The following ARID1B variants were observed in gnomAD, a reference collection of about 807,000 sequenced individuals.
ARID1B encodes the protein AT-rich interactive domain-containing protein 1B.
In ARID1B, 30 loss-of-function variants were observed where a neutral mutation model predicts 212.3. The ratio of observed to expected loss-of-function variants is 0.14; its 90% CI spans 0.11 to 0.19. The LOEUF (loss-of-function observed/expected upper bound fraction) is 0.19. Among genes scored for constraint, ARID1B ranks in the 10% least tolerant of loss-of-function variants. ARID1B has a pLI of 1.00. For synonymous variants in ARID1B, 1,402 were observed against 1,301.7 expected (o/e 1.08, Z -1.66); for missense variants, 2,891 against 3,204.0 (o/e 0.90, Z 2.36).
At chr6:156,849,816 G>A (rs374685982) in intron 2 of ARID1B, among the ~76,000 whole-genome samples, 1 of 152,128 alleles carries the variant, frequency 6.6e-6, no homozygotes. Flanking sequence ...CCCTAAGGAG[G>A]GGAAGCCGTG....
chr6:157,060,715 T>G (rs1783291563), intron 4 of ARID1B, among the ~76,000 whole-genome samples: 1 of 142,760 alleles, frequency 7.0e-6, no homozygotes, highest in South Asian at 2.3e-4. Flanking sequence ...TTGGCACAGA[T>G]TCACAATCCT....
chr6:156,973,564 A>C (rs1450918658), intron 4 of ARID1B, among the ~76,000 whole-genome samples: 2 of 152,248 alleles, frequency 1.3e-5, no homozygotes, highest in Admixed American at 1.3e-4. Flanking sequence ...AACAGAACTT[A>C]GTTTTTAAGC....
chr6:157,204,861 T>G (rs1293943618), intron 19 of ARID1B: 1 of 152,236 alleles, frequency 6.6e-6, no homozygotes, highest in East Asian at 1.9e-4. Flanking sequence ...ACACTTAATT[T>G]CCTTGCTTCT....
rs575796547 is a variant in ARID1B at position 157,022,099 on chromosome 6, C to T, written c.2248-62563C>T. On this transcript the variant is annotated intron_variant, in intron 4 of 19. Transcript: ENST00000636930. ...GCCAGGAACTACAGACGAAGGACGC[C>T]AGCAGGGCCGCGGAGCCCAGGCCGC... 2.8e-4 allele frequency among the ~76,000 whole-genome samples: 43 copies of T among 152,064 alleles called. No homozygotes were observed. The South Asian group carries it at 8.7e-3, about 31-fold the overall frequency.
chr6:156,956,222 T>C (rs1158718291), intron 4 of ARID1B, among the ~76,000 whole-genome samples: 2 of 151,958 alleles, frequency 1.3e-5, no homozygotes, highest in African/African-American at 4.8e-5. Flanking sequence ...TTTGAATGAG[T>C]CCCAGGTACT....
At chr6:156,810,222 G>C (rs1781466134) in intron 1 of ARID1B, among the ~76,000 whole-genome samples, 1 of 152,086 alleles carries the variant, frequency 6.6e-6, no homozygotes, top group Admixed American at 6.5e-5. Context: ...TAGCATTTCT[G>C]CAATTTTTTG....
At chr6:156,815,713 A>G (rs1412828745) in intron 1 of ARID1B, among the ~76,000 whole-genome samples, 1 of 152,238 alleles carries the variant, frequency 6.6e-6, no homozygotes, top group Non-Finnish European at 1.5e-5. Flanking sequence ...TTTGCCATAA[A>G]TGCTAAGGAT....
At chr6:156,891,395 G>A (rs1787911049) in intron 2 of ARID1B, among the ~76,000 whole-genome samples, 1 of 152,178 alleles carries the variant, frequency 6.6e-6, no homozygotes, top group African/African-American at 2.4e-5. Context: ...TTCTGTTTAA[G>A]ATAAATTGTT....
chr6:157,154,580 G>GTTTTTTTTTTTTTTTTTT (rs1274752634), intron 8 of ARID1B, among the ~76,000 whole-genome samples: 3 of 111,568 alleles, frequency 2.7e-5, no homozygotes, highest in African/African-American at 7.3e-5. Context: ...TTTTTTTTTT[G>GTTTTTTTTTTTTTTTTTT]TTTTTTTTTT....
Position 157,122,442 on chromosome 6 carries a change from T to C in ARID1B, c.2582-10586T>C, listed in dbSNP as rs1488943704. On this transcript the variant is annotated intron_variant, in intron 6 of 19. Transcript: ENST00000636930. ...TACCCCTGTCTTTAGCTATTAGATA[T>C]ACAAAATGTGGAATTCAAACAATTA... 3.9e-5 allele frequency among the ~76,000 whole-genome samples: 6 copies of C among 152,212 alleles called. No homozygotes were observed. In the East Asian group the frequency reaches 5.8e-4, roughly 15 times the overall value.
chr6:156,835,460 A>T (rs2128065839), intron 2 of ARID1B, among the ~76,000 whole-genome samples: 1 of 152,272 alleles, frequency 6.6e-6, no homozygotes, highest in South Asian at 2.1e-4. Flanking sequence ...ATTTTACCTG[A>T]AAGTTTAATG....
chr6:157,205,954 C>CTATTTGTTCCTTTTACAGTA (rs1172174012), intron 19 of ARID1B: 59 of 597,960 alleles, frequency 9.9e-5, no homozygotes, highest in Non-Finnish European at 1.7e-4. Flanking sequence ...AAGGAACATG[C>CTATTTGTTCCTTTTACAGTA]TAAACATCGG....
intron 1 of ARID1B, among the ~76,000 whole-genome samples, chr6:156,795,804 TG>T (rs1780328446): frequency 6.6e-6 from 1 of 152,134 alleles, no homozygotes; most frequent in African/African-American, 2.4e-5. Flanking sequence ...AGTACAGTAC[TG>T]GGAAGTTTCT....
chr6:157,084,863 A>C lies in ARID1B; in HGVS notation c.2449A>C (p.Asn817His), dbSNP rs2128463235. 1 of 1,614,220 alleles carries C rather than the reference A, an allele frequency of 6.2e-7. No individual in the cohort carries two copies. Among genetic ancestry groups the C allele is most frequent in the Non-Finnish European group, 8.5e-7 (1 of 1,180,028 alleles). Residue 817 changes from asparagine (N) to histidine (H), a missense_variant, in exon 5 of 20, where the codon AAC (asparagine) becomes CAC (histidine). Physicochemically the swap from Asn to His is moderately conservative, Grantham distance 68. Transcript: ENST00000636930. ...PSPVGSPVGS[N>H]QSRSGPISPA... ...TCCTGTTGGCTCTCCTGTAGGAAGC[A>C]ACCAGTCTCGATCTGGCCCAATCTC...
chr6:157,094,796 C>G lies in ARID1B; in HGVS notation c.2491+9891C>G, dbSNP rs942150657. On this transcript the variant is annotated intron_variant, in intron 5 of 19. Coordinates refer to ENST00000636930, the MANE Select transcript of ARID1B (RefSeq NM_001374828.1). The surrounding 1 kb of genome is among the most constrained non-coding windows in gnomAD (Gnocchi z 4.3). ...TAGGGGAAGGTGGGAGCAGAGACATCGGAGGCTCCTGCAGTAACCACGCGG... is the reference window on the plus strand; with the variant it reads ...TAGGGGAAGGTGGGAGCAGAGACATGGGAGGCTCCTGCAGTAACCACGCGG... Among the ~76,000 whole-genome samples the G allele has an allele frequency of 6.6e-6, 1 of 152,140 alleles. No individual in the cohort carries two copies. The highest frequency in any genetic ancestry group is 2.1e-4 in the South Asian group (1 of 4,824).
At chr6:156,864,716 G>A (rs987972021) in intron 2 of ARID1B, among the ~76,000 whole-genome samples, 1 of 152,056 alleles carries the variant, frequency 6.6e-6, no homozygotes, top group Non-Finnish European at 1.5e-5. Context: ...TGCTGTCCCC[G>A]CTGGAAGATG....
At chr6:156,963,961 T>C (rs930958148) in intron 4 of ARID1B, among the ~76,000 whole-genome samples, 11 of 152,244 alleles carry the variant, frequency 7.2e-5, no homozygotes, top group Non-Finnish European at 1.2e-4. Context: ...TGCTTGCCAA[T>C]TGTGGAAAGG....
intron 7 of ARID1B, among the ~76,000 whole-genome samples, chr6:157,143,260 C>G (rs1789497607): frequency 6.6e-6 from 1 of 152,190 alleles, no homozygotes; most frequent in African/African-American, 2.4e-5. Flanking sequence ...CTTCATTGTG[C>G]TTAATGCTGG....
intron 3 of ARID1B, among the ~76,000 whole-genome samples, chr6:156,917,507 A>G (rs1382578324): frequency 1.3e-5 from 2 of 152,106 alleles, no homozygotes; most frequent in Non-Finnish European, 2.9e-5. Context: ...GATGTTGATA[A>G]AAGTGTCTCA....
Sources: gnomAD v4.1 joint callset for allele counts (sites outside exome capture counted in the v4.1 genomes callset) on GRCh38, gnomAD v4.1.1 for gene constraint, Gnocchi (gnomAD v3.1) non-coding constraint, MANE v1.5 for transcripts, NCBI Gene and HGNC (gene_info 2026-07-23, HGNC 2026-07-21) for gene names.